Variants in ELAVL2 observed in about 807,000 individuals in gnomAD.
ELAVL2 encodes the protein ELAV-like protein 2.
ELAVL2 carries 4 observed loss-of-function variants against 34.6 expected under a neutral mutation model. The observed-to-expected ratio is 0.12, with a 90% CI of 0.06 to 0.26. The LOEUF (loss-of-function observed/expected upper bound fraction) is 0.26. ELAVL2 is among the 10% of genes least tolerant of loss of function. The pLI, the probability that ELAVL2 is intolerant of heterozygous loss-of-function variation, is 1.00. For synonymous variants in ELAVL2, 193 were observed against 154.8 expected (o/e 1.25, Z -1.83); for missense variants, 432 against 442.8 (o/e 0.98, Z 0.22).
At chr9:23,813,010 T>C (rs1030676013) in intron 1 of ELAVL2, among the ~76,000 whole-genome samples, 4 of 152,116 alleles carry the variant, frequency 2.6e-5, no homozygotes, top group Non-Finnish European at 2.9e-5. Flanking sequence ...AAAAGTTAAC[T>C]AGAAATGTAA....
chr9:23,713,739 A>G (rs1399835229), intron 3 of ELAVL2, among the ~76,000 whole-genome samples: 1 of 152,200 alleles, frequency 6.6e-6, no homozygotes, highest in Non-Finnish European at 1.5e-5. Context: ...GTTCAAAAAT[A>G]TATTATACAA....
intron 3 of ELAVL2, among the ~76,000 whole-genome samples, chr9:23,720,227 C>T (rs2043318353): frequency 1.3e-5 from 2 of 151,390 alleles, no homozygotes; most frequent in Admixed American, 6.6e-5. Context: ...GGCTAGGGTG[C>T]AGTGGTGTAA....
At chr9:23,763,363 C>G (rs2055493236) in intron 1 of ELAVL2, among the ~76,000 whole-genome samples, 1 of 152,046 alleles carries the variant, frequency 6.6e-6, no homozygotes, top group South Asian at 2.1e-4. Flanking sequence ...AAATCATTTT[C>G]CACTAACTAC....
At chr9:23,796,718 A>T (rs1326455993) in intron 1 of ELAVL2, among the ~76,000 whole-genome samples, 3 of 152,230 alleles carry the variant, frequency 2.0e-5, no homozygotes. Context: ...GCACAAGAAG[A>T]TATTTAATTA....
At chr9:23,702,970 A>AAAAAAAAAAAAAAAAAAAAAAC (rs1563957235) in intron 4 of ELAVL2, among the ~76,000 whole-genome samples, 1 of 145,996 alleles carries the variant, frequency 6.8e-6, no homozygotes, top group Admixed American at 6.8e-5. Context: ...AAAAAAAAAA[A>AAAAAAAAAAAAAAAAAAAAAAC]AAAAAAAAAA....
rs116166207 is a variant in ELAVL2 at position 23,791,255 on chromosome 9, G to C, written c.-15-29006C>G. Among the ~76,000 whole-genome samples, 746 of 152,302 alleles carry C rather than the reference G, an allele frequency of 4.9e-3. 4 individuals are homozygous for C. The highest frequency in any genetic ancestry group is 0.017 in the African/African-American group (706 of 41,560). On this transcript the variant is annotated intron_variant, in intron 1 of 6. Transcript: ENST00000397312. Reference sequence around the variant, plus strand: ...GCAAATGCTAATCGCAGGGGTGGGAGCAAGGAGTCTTGACCAATCGTAAAG... The same window carrying C: ...GCAAATGCTAATCGCAGGGGTGGGACCAAGGAGTCTTGACCAATCGTAAAG...
intron 2 of ELAVL2, among the ~76,000 whole-genome samples, 197 bp downstream of exon 2, chr9:23,761,809 T>C (rs2136009621): frequency 6.6e-6 from 1 of 152,176 alleles, no homozygotes; most frequent in East Asian, 1.9e-4. Flanking sequence ...AGTTAAAATA[T>C]ATACTGCCCC....
At chr9:23,819,014 T>C (rs1432247203) in intron 1 of ELAVL2, among the ~76,000 whole-genome samples, 1 of 152,238 alleles carries the variant, frequency 6.6e-6, no homozygotes, top group African/African-American at 2.4e-5. Context: ...CAGGATATTC[T>C]GGAAGGCTTT....
chr9:23,769,953 T>A (rs2057004562), intron 1 of ELAVL2, among the ~76,000 whole-genome samples: 1 of 152,142 alleles, frequency 6.6e-6, no homozygotes, highest in African/African-American at 2.4e-5. Context: ...TTCTCTTCAG[T>A]CTAAGTCCAT....
the ELAVL2 span, among the ~76,000 whole-genome samples, chr9:23,841,299 G>T: frequency 1.3e-5 from 2 of 152,054 alleles, no homozygotes; most frequent in Non-Finnish European, 2.9e-5. Flanking sequence ...GGTGCAGCTG[G>T]TACATTCTCA....
chr9:23,802,849 A>C (rs1200143232), intron 1 of ELAVL2, among the ~76,000 whole-genome samples: 1 of 152,224 alleles, frequency 6.6e-6, no homozygotes, highest in Non-Finnish European at 1.5e-5. Flanking sequence ...TTTTAAAAAT[A>C]TACATATTCC....
At chr9:23,841,419 A>G in the ELAVL2 span, among the ~76,000 whole-genome samples, 2 of 152,080 alleles carry the variant, frequency 1.3e-5, no homozygotes, top group Non-Finnish European at 2.9e-5. Flanking sequence ...ACCACCAGAC[A>G]GAGTTTTTAC....
At position 23,804,330 on chromosome 9, in the gene ELAVL2, A is replaced by G. The variant is rs2061947292; in HGVS notation, c.-16+21476T>C. ...CAAATCTACACCTGAGAGGTTAACA[A>G]TTTCATGAACACTTTGAACACTTTC... is the stretch of plus-strand genomic sequence containing the variant. On this transcript the variant is annotated intron_variant, in intron 1 of 6. Coordinates refer to ENST00000397312, the MANE Select transcript of ELAVL2 (RefSeq NM_004432.5). Among the ~76,000 whole-genome samples the G allele has an allele frequency of 3.3e-5, 5 of 152,126 alleles. No individual in the cohort carries two copies. In the South Asian group the frequency reaches 1.0e-3, roughly 32 times the overall value.
chr9:23,811,982 A>C (rs2063070026), intron 1 of ELAVL2, among the ~76,000 whole-genome samples: 1 of 152,164 alleles, frequency 6.6e-6, no homozygotes, highest in Non-Finnish European at 1.5e-5. Flanking sequence ...TGGACCAAGA[A>C]AAGACACAGT....
chr9:23,798,780 T>C (rs1420439015), intron 1 of ELAVL2, among the ~76,000 whole-genome samples: 1 of 152,130 alleles, frequency 6.6e-6, no homozygotes, highest in African/African-American at 2.4e-5. Flanking sequence ...CTTGTCCATT[T>C]TTCCCTTCTC....
At chr9:23,760,421 T>C (rs574421928) in intron 2 of ELAVL2, among the ~76,000 whole-genome samples, 7 of 152,192 alleles carry the variant, frequency 4.6e-5, no homozygotes, top group African/African-American at 1.7e-4. Context: ...TCATTTATCA[T>C]ATTTTTATCT....
chr9:23,793,659 G>A (rs188386998), intron 1 of ELAVL2, among the ~76,000 whole-genome samples: 5 of 152,126 alleles, frequency 3.3e-5, no homozygotes, highest in Admixed American at 1.3e-4. Context: ...ACCTATACTG[G>A]ATCCTTATTG....
At chr9:23,818,703 T>C (rs1045321845) in intron 1 of ELAVL2, among the ~76,000 whole-genome samples, 3 of 152,150 alleles carry the variant, frequency 2.0e-5, no homozygotes, top group Non-Finnish European at 2.9e-5. Context: ...TTATGAGTGA[T>C]AAAAGTGGCA....
chr9:23,767,853 A>G (rs985645827), intron 1 of ELAVL2, among the ~76,000 whole-genome samples: 1 of 152,144 alleles, frequency 6.6e-6, no homozygotes, highest in African/African-American at 2.4e-5. Flanking sequence ...GCGAGGAGGG[A>G]AAAAGGTTCC....
Sources: gnomAD v4.1 joint callset for allele counts (sites outside exome capture counted in the v4.1 genomes callset) on GRCh38, gnomAD v4.1.1 for gene constraint, MANE v1.5 for transcripts, NCBI Gene and HGNC (gene_info 2026-07-23, HGNC 2026-07-21) for gene names.